MAPK10: variants seen among roughly 807,000 people sequenced by gnomAD.
MAPK10 encodes the protein mitogen-activated protein kinase 10.
A neutral mutation model predicts 59.3 loss-of-function variants in MAPK10; 25 were observed. The ratio of observed to expected loss-of-function variants is 0.42; its 90% CI spans 0.31 to 0.59. The LOEUF (loss-of-function observed/expected upper bound fraction) is 0.59, where lower values mean the gene tolerates loss of function less well. Ranked by LOEUF, MAPK10 falls within the 20% of genes least tolerant of loss-of-function variation. The pLI is 0.15. For synonymous variants in MAPK10, 190 were observed against 200.5 expected (o/e 0.95, Z 0.44); for missense variants, 351 against 568.9 (o/e 0.62, Z 3.90).
chr4:86,117,160 G>A (rs569727382), intron 4 of MAPK10, among the ~76,000 whole-genome samples: 1 of 152,310 alleles, frequency 6.6e-6, no homozygotes, highest in African/African-American at 2.4e-5. Flanking sequence ...TATTGTCCCA[G>A]CTACCCAGAA....
intron 2 of MAPK10, among the ~76,000 whole-genome samples, chr4:86,271,059 A>T (rs980269640): frequency 2.0e-5 from 3 of 152,058 alleles, no homozygotes; most frequent in Non-Finnish European, 2.9e-5. Context: ...CCTGGAGCAG[A>T]GGTAGGTAAA....
intron 2 of MAPK10, among the ~76,000 whole-genome samples, chr4:86,198,960 T>C (rs879754417): frequency 3.3e-5 from 5 of 151,934 alleles, no homozygotes; most frequent in Non-Finnish European, 7.4e-5. Flanking sequence ...CACAAATATA[T>C]GCGTACCTTA....
chr4:86,428,280 A>G (rs1331626899), intron 1 of MAPK10, among the ~76,000 whole-genome samples: 1 of 152,094 alleles, frequency 6.6e-6, no homozygotes, highest in Non-Finnish European at 1.5e-5. Context: ...AGTAGCTGGG[A>G]CCACAGATGC....
chr4:86,297,084 C>T lies in MAPK10; in HGVS notation c.-7+57446G>A, dbSNP rs114806742. On this transcript the variant is annotated intron_variant, in intron 2 of 13. Coordinates refer to ENST00000641462, the MANE Select transcript of MAPK10 (RefSeq NM_138982.4). ...AAATTAGCATTTCTAACAAATTCCT[C>T]GGTGAGGCTAGTACTGCTGGTCAGG... Among the ~76,000 whole-genome samples, 322 of 152,226 alleles carry T rather than the reference C, an allele frequency of 2.1e-3. 1 individual carries two copies. Among genetic ancestry groups the T allele is most frequent in the African/African-American group, 7.4e-3 (308 of 41,536 alleles).
At chr4:86,050,987 AAATGCACCTAAAGAT>A (rs1355341487) in intron 11 of MAPK10, among the ~76,000 whole-genome samples, 1 of 152,206 alleles carries the variant, frequency 6.6e-6, no homozygotes, top group East Asian at 1.9e-4. Context: ...TCAGCTTTCA[AAATGCACCTAAAGAT>A]AGAAATCAGA....
At chr4:86,128,602 T>C (rs776871148) in intron 4 of MAPK10, among the ~76,000 whole-genome samples, 8 of 152,178 alleles carry the variant, frequency 5.3e-5, no homozygotes, top group Non-Finnish European at 1.0e-4. Context: ...CTCTTTTCTT[T>C]ATAAGTTACC....
rs1277914267 is a variant in MAPK10, at chr4:86,013,098, A to T, written c.*4130T>A. 2 of 152,188 alleles carry T rather than the reference A, an allele frequency of 1.3e-5. No homozygotes were observed. The highest frequency in any genetic ancestry group is 4.8e-5 in the African/African-American group (2 of 41,442). The allele number at this position is 152,188 out of a possible 1,614,324, so 9.4% of individuals were successfully genotyped here. On this transcript the variant is annotated 3_prime_UTR_variant, in exon 14 of 14. Coordinates refer to ENST00000641462, the MANE Select transcript of MAPK10 (RefSeq NM_138982.4). The stretch of plus-strand genomic sequence containing the variant: ...TACATATACAAGATTCTATATATAA[A>T]CAGAGGCCCCTCACTTCAGTTTGGC...
intron 1 of MAPK10, among the ~76,000 whole-genome samples, chr4:86,500,599 G>T (rs1157920760): frequency 5.9e-5 from 9 of 152,032 alleles, no homozygotes; most frequent in Admixed American, 4.6e-4. Context: ...GTATCCTGTA[G>T]AACTCAGTTC....
intron 6 of MAPK10, 76 bp from the exon 7 acceptor site, chr4:86,102,108 C>T: frequency 2.3e-6 from 3 of 1,320,362 alleles, no homozygotes; most frequent in Non-Finnish European, 3.3e-6. Flanking sequence ...AGAATGCTCT[C>T]CTAACTCTGT....
chr4:86,285,642 CTA>C (rs2094976781), intron 2 of MAPK10, among the ~76,000 whole-genome samples: 1 of 152,124 alleles, frequency 6.6e-6, no homozygotes, highest in African/African-American at 2.4e-5. Context: ...AGCCTAACAT[CTA>C]TATAGTTACC....
intron 1 of MAPK10, among the ~76,000 whole-genome samples, chr4:86,562,734 A>C (rs539828403): frequency 1.3e-4 from 20 of 152,212 alleles, no homozygotes; most frequent in African/African-American, 4.3e-4. Context: ...TACCTGCTGC[A>C]CTATCCCCAC....
At chr4:86,218,838 G>A (rs2088631917) in intron 2 of MAPK10, among the ~76,000 whole-genome samples, 1 of 152,142 alleles carries the variant, frequency 6.6e-6, no homozygotes, top group African/African-American at 2.4e-5. Flanking sequence ...CAGTCACTTA[G>A]CAACTGATTT....
At chr4:86,313,094 C>CATAG (rs756682479) in intron 2 of MAPK10, among the ~76,000 whole-genome samples, 9 of 152,034 alleles carry the variant, frequency 5.9e-5, no homozygotes, top group East Asian at 1.9e-4. Flanking sequence ...TATACACACA[C>CATAG]ATAGATAGAT....
rs926212244 is a variant in MAPK10 at position 86,468,251 on chromosome 4, C to CT, written c.-262-113608dup. ...CTACTTCTCTCTGTAAAAGAAAATC[C>CT]TTTTTTTGCCTACCTCTTGAGATGC... On this transcript the variant is annotated intron_variant, in intron 1 of 4. Coordinates refer to the MAPK10 transcript ENST00000502302. Among the ~76,000 whole-genome samples, 7 of 152,182 alleles carry CT rather than the reference C, an allele frequency of 4.6e-5. No homozygotes were observed. In the South Asian group the frequency reaches 1.2e-3, roughly 27 times the overall value.
At chr4:86,172,595 G>A (rs1216013396) in intron 3 of MAPK10, among the ~76,000 whole-genome samples, 1 of 150,050 alleles carries the variant, frequency 6.7e-6, no homozygotes, top group Non-Finnish European at 1.5e-5. Flanking sequence ...GAGTGGGGAG[G>A]GATAGCATTA....
chr4:86,562,714 A>T (rs892635746), intron 1 of MAPK10, among the ~76,000 whole-genome samples: 10 of 152,086 alleles, frequency 6.6e-5, no homozygotes, highest in Non-Finnish European at 1.2e-4. Context: ...AAAATAAAAA[A>T]AAACAACTTT....
chr4:86,066,509 G>C (rs1417140905), intron 10 of MAPK10, among the ~76,000 whole-genome samples: 1 of 150,518 alleles, frequency 6.6e-6, no homozygotes, highest in Non-Finnish European at 1.5e-5. Flanking sequence ...GCTGACACCT[G>C]CAATCCCAGC....
At chr4:86,356,849 C>T (rs930863056) in intron 1 of MAPK10, 9 of 152,226 alleles carry the variant, frequency 5.9e-5, no homozygotes, top group African/African-American at 2.2e-4. Context: ...AAGCATCTCC[C>T]CTACTAGTCT....
intron 1 of MAPK10, among the ~76,000 whole-genome samples, chr4:86,369,589 C>A (rs566948080): frequency 6.6e-6 from 1 of 152,230 alleles, no homozygotes; most frequent in South Asian, 2.1e-4. Flanking sequence ...TAAAAATCTG[C>A]TGGATTTTCA....
Sources: gnomAD v4.1 joint callset for allele counts (sites outside exome capture counted in the v4.1 genomes callset) on GRCh38, gnomAD v4.1.1 for gene constraint, MANE v1.5 for transcripts, NCBI Gene and HGNC (gene_info 2026-07-23, HGNC 2026-07-21) for gene names.